The following TMEM108 variants were observed in gnomAD, a reference collection of about 807,000 sequenced individuals.
The protein encoded by TMEM108 is transmembrane protein 108.
In TMEM108, 12 loss-of-function variants were observed where a neutral mutation model predicts 35.1. The observed-to-expected ratio is 0.34, with a 90% CI of 0.22 to 0.55. TMEM108 has a LOEUF of 0.55. Among genes scored for constraint, TMEM108 ranks in the 20% least tolerant of loss-of-function variants. The probability of loss-of-function intolerance (pLI) is 0.89; values close to 1 mark genes in which losing one functional copy is unlikely to be tolerated. For synonymous variants in TMEM108, 287 were observed against 308.6 expected, an observed-to-expected ratio of 0.93 and a Z score of 0.73; for missense variants, 680 against 753.3, an observed-to-expected ratio of 0.90 and a Z score of 1.14.
At chr3:133,305,551 A>G (rs1408405762) in intron 3 of TMEM108, among the ~76,000 whole-genome samples, 1 of 152,072 alleles carries the variant, frequency 6.6e-6, no homozygotes, top group Admixed American at 6.5e-5. Flanking sequence ...AAAGATGCCT[A>G]TGAATATTCA....
At chr3:133,074,979 G>T (rs11712562) in intron 2 of TMEM108, among the ~76,000 whole-genome samples, 59,935 of 151,818 alleles carry the variant, frequency 0.39, 12,490 homozygotes, top group Admixed American at 0.47. Flanking sequence ...GTATTGTGTT[G>T]TATTCATGTG....
chr3:133,363,437 G>T (rs1404718138), intron 3 of TMEM108, among the ~76,000 whole-genome samples: 2 of 150,660 alleles, frequency 1.3e-5, no homozygotes, highest in Non-Finnish European at 2.9e-5. Flanking sequence ...TTTGAGACAG[G>T]ATCTTGCTCT....
chr3:133,274,114 G>A (rs757743899), intron 3 of TMEM108, among the ~76,000 whole-genome samples: 15 of 152,166 alleles, frequency 9.9e-5, no homozygotes, highest in Non-Finnish European at 2.2e-4. Context: ...TATGAACACA[G>A]GTAATGCTGC....
At chr3:133,112,551 T>A (rs911654786) in intron 2 of TMEM108, among the ~76,000 whole-genome samples, 3 of 152,220 alleles carry the variant, frequency 2.0e-5, no homozygotes, top group African/African-American at 7.2e-5. Context: ...CGTCTAGAAC[T>A]GAGAATAAGG....
chr3:133,133,923 C>G (rs1336891476), intron 2 of TMEM108, among the ~76,000 whole-genome samples: 1 of 151,864 alleles, frequency 6.6e-6, no homozygotes, highest in African/African-American at 2.4e-5. Flanking sequence ...GCCACTGCCC[C>G]TGGCTAATTT....
At chr3:133,089,093 T>C (rs949780198) in intron 2 of TMEM108, among the ~76,000 whole-genome samples, 1 of 149,210 alleles carries the variant, frequency 6.7e-6, no homozygotes, top group African/African-American at 2.4e-5. Context: ...AACAACCAGA[T>C]CTCACAAAAA....
chr3:133,131,130 T>C (rs1468364616), intron 2 of TMEM108, among the ~76,000 whole-genome samples: 1 of 152,160 alleles, frequency 6.6e-6, no homozygotes, highest in East Asian at 1.9e-4. Context: ...CAGCTTTGTA[T>C]AGAAACTTTT....
intron 3 of TMEM108, among the ~76,000 whole-genome samples, chr3:133,364,246 T>A (rs1424457889): frequency 6.6e-6 from 1 of 152,212 alleles, no homozygotes; most frequent in Non-Finnish European, 1.5e-5. Flanking sequence ...CCACAAGCCT[T>A]TCCTGCTCAA....
At chr3:133,283,041 A>G (rs1282708331) in intron 3 of TMEM108, among the ~76,000 whole-genome samples, 1 of 152,238 alleles carries the variant, frequency 6.6e-6, no homozygotes, top group Non-Finnish European at 1.5e-5. Flanking sequence ...AGGTAGCAAC[A>G]GTTTACTCTG....
intron 3 of TMEM108, among the ~76,000 whole-genome samples, chr3:133,358,678 T>C (rs2072251764): frequency 6.6e-6 from 1 of 152,076 alleles, no homozygotes; most frequent in South Asian, 2.1e-4. Flanking sequence ...TTCATTCTGC[T>C]CTTGGAAGTT....
chr3:133,278,634 TATGTCTAAAC>T (rs1946869792), intron 3 of TMEM108, among the ~76,000 whole-genome samples: 2 of 152,242 alleles, frequency 1.3e-5, no homozygotes, highest in East Asian at 3.8e-4. Context: ...TAAATATTTG[TATGTCTAAAC>T]ATATCTAAAC....
intron 3 of TMEM108, among the ~76,000 whole-genome samples, chr3:133,320,345 C>T (rs1295470945): frequency 6.6e-6 from 1 of 150,504 alleles, no homozygotes; most frequent in Non-Finnish European, 1.5e-5. Context: ...AAAACAATCA[C>T]AACTTCTGGA....
chr3:133,051,911 GTCT>G (rs1190633198), intron 2 of TMEM108, among the ~76,000 whole-genome samples: 1 of 152,010 alleles, frequency 6.6e-6, no homozygotes, highest in Non-Finnish European at 1.5e-5. Context: ...TTTATAGTAG[GTCT>G]TGAGGTCAGG....
At chr3:133,211,005 G>A (rs1361719205) in intron 2 of TMEM108, among the ~76,000 whole-genome samples, 1 of 152,172 alleles carries the variant, frequency 6.6e-6, no homozygotes, top group Non-Finnish European at 1.5e-5. Flanking sequence ...CAAGTGGAAT[G>A]AGAGGAACTA....
chr3:133,395,880 C>T lies in TMEM108; in HGVS notation c.1622C>T (p.Pro541Leu), dbSNP rs1412548188. Reference sequence around the variant, plus strand: ...TCTTCCCAGGACCAGCTCTCAGAGCCCCGCTCCCCAGCCAATGGCGACTAT... The same window carrying T: ...TCTTCCCAGGACCAGCTCTCAGAGCTCCGCTCCCCAGCCAATGGCGACTAT... ...LETSEDQLSE[P>L]RSPANGDYRD... Residue 541 changes from proline to leucine, a missense_variant, in exon 6 of 6, where the codon CCC (proline) becomes CTC (leucine). Pro to Leu is a moderately conservative substitution (Grantham distance 98). Around this residue, in one of 3 missense-constraint regions of TMEM108, gnomAD observed 105 missense variants for 150.7 expected, o/e 0.70. Coordinates refer to ENST00000321871, the MANE Select transcript of TMEM108 (RefSeq NM_023943.4). 3 of 1,588,162 alleles carry T rather than the reference C, an allele frequency of 1.9e-6. No individual in the cohort carries two copies. The highest frequency in any genetic ancestry group is 4.7e-5 in the East Asian group (2 of 42,812).
At chr3:133,148,476 AT>A (rs1012753314) in intron 2 of TMEM108, among the ~76,000 whole-genome samples, 4 of 152,182 alleles carry the variant, frequency 2.6e-5, no homozygotes, top group Non-Finnish European at 5.9e-5. Flanking sequence ...ATAAAAAAAA[AT>A]CTTCCATGAG....
At chr3:133,321,989 T>G (rs6788390) in intron 3 of TMEM108, among the ~76,000 whole-genome samples, 51,494 of 152,056 alleles carry the variant, frequency 0.34, 9,096 homozygotes, top group East Asian at 0.48. Context: ...AATGATAATT[T>G]TGACACAGCT....
intron 3 of TMEM108, among the ~76,000 whole-genome samples, chr3:133,271,829 T>C (rs1231646706): frequency 3.3e-5 from 5 of 152,192 alleles, no homozygotes; most frequent in Non-Finnish European, 5.9e-5. Flanking sequence ...CCTGCTTTTT[T>C]GCATTTATCT....
At chr3:133,273,123 C>T (rs938688626) in intron 3 of TMEM108, among the ~76,000 whole-genome samples, 2 of 152,194 alleles carry the variant, frequency 1.3e-5, no homozygotes, top group Admixed American at 6.5e-5. Flanking sequence ...TAGAAACCTA[C>T]ACATACACAA....
Sources: gnomAD v4.1 joint callset for allele counts (sites outside exome capture counted in the v4.1 genomes callset) on GRCh38, gnomAD v4.1.1 for gene constraint, gnomAD v4.1.1 regional missense constraint, MANE v1.5 for transcripts, NCBI Gene and HGNC (gene_info 2026-07-23, HGNC 2026-07-21) for gene names.